The following PPARGC1A variants were observed in gnomAD, a reference collection of about 807,000 sequenced individuals.
The protein encoded by PPARGC1A is PPARG coactivator 1 alpha.
In PPARGC1A, 25 loss-of-function variants were observed where a neutral mutation model predicts 88.7. The ratio of observed to expected loss-of-function variants is 0.28; its 90% confidence interval spans 0.21 to 0.39. The LOEUF (loss-of-function observed/expected upper bound fraction) is 0.39, where lower values mean the gene tolerates loss of function less well. Ranked by LOEUF, PPARGC1A falls within the 10% of genes least tolerant of loss-of-function variation. The probability of loss-of-function intolerance (pLI) is 1.00; values close to 1 mark genes in which losing one functional copy is unlikely to be tolerated. For missense variants in PPARGC1A, 880 were observed against 968.7 expected (o/e 0.91, Z 1.22); for synonymous variants, 363 against 355.6 (o/e 1.02, Z -0.24).
upstream of PPARGC1A, among the ~76,000 whole-genome samples, chr4:23,891,178 A>G (rs1455372250): frequency 6.6e-6 from 1 of 152,138 alleles, no homozygotes; most frequent in East Asian, 1.9e-4. Flanking sequence ...TACATAACAA[A>G]CTCAAGGTAC....
the PPARGC1A span, among the ~76,000 whole-genome samples, chr4:24,387,754 GAGAGAGAGAGAGAGAAAGAAAGAAAGAA>G: frequency 1.6e-5 from 1 of 64,250 alleles, no homozygotes; most frequent in African/African-American, 6.3e-5. Context: ...GAAAGAGAGA[GAGAGAGAGAGAGAGAAAGAAAGAAAGAA>G]AGAAAGAAAG....
the PPARGC1A span, among the ~76,000 whole-genome samples, chr4:24,321,235 A>T: frequency 2.0e-5 from 3 of 152,222 alleles, 1 homozygote. Flanking sequence ...AAAGAAACAA[A>T]GGTCACCCAA....
At chr4:24,078,158 A>G in the PPARGC1A span, among the ~76,000 whole-genome samples, 1 of 152,006 alleles carries the variant, frequency 6.6e-6, no homozygotes, top group African/African-American at 2.4e-5. Flanking sequence ...AGGCCTTCCA[A>G]GAATGGTCAT....
chr4:24,075,220 T>A, the PPARGC1A span, among the ~76,000 whole-genome samples: 1 of 152,162 alleles, frequency 6.6e-6, no homozygotes, highest in Non-Finnish European at 1.5e-5. Context: ...AACAACGAAG[T>A]TGCCACATGG....
the PPARGC1A span, among the ~76,000 whole-genome samples, chr4:24,207,547 A>T: frequency 0.075 from 11,443 of 152,302 alleles, 457 homozygotes; most frequent in South Asian, 0.11. Flanking sequence ...TTTAAACAAG[A>T]CAGAAATTAA....
chr4:24,041,702 G>A, the PPARGC1A span, among the ~76,000 whole-genome samples: 1 of 152,094 alleles, frequency 6.6e-6, no homozygotes. Flanking sequence ...TCACAAACAT[G>A]AACTTTTTGA....
the PPARGC1A span, among the ~76,000 whole-genome samples, chr4:24,189,909 C>A: frequency 2.0e-5 from 3 of 152,142 alleles, no homozygotes; most frequent in Non-Finnish European, 4.4e-5. Context: ...ATCCTCCTCC[C>A]AAGCACACCT....
At chr4:23,820,555 A>G in intron 7 of PPARGC1A, 2 of 395,828 alleles carry the variant, frequency 5.1e-6, no homozygotes, top group South Asian at 3.7e-5. Flanking sequence ...CAATAGATTT[A>G]AATGCCTTCT....
chr4:23,843,844 T>C (rs561696985), intron 2 of PPARGC1A, among the ~76,000 whole-genome samples: 2 of 152,168 alleles, frequency 1.3e-5, no homozygotes, highest in African/African-American at 4.8e-5. Flanking sequence ...CTTTAATCCA[T>C]ACTCAGCTGA....
At chr4:24,384,025 C>A in the PPARGC1A span, among the ~76,000 whole-genome samples, 1 of 152,162 alleles carries the variant, frequency 6.6e-6, no homozygotes, top group Non-Finnish European at 1.5e-5. Flanking sequence ...AACAGTGGAT[C>A]CCTCTGTTAG....
chr4:23,810,669 T>C (rs1233039256), intron 10 of PPARGC1A, among the ~76,000 whole-genome samples: 1 of 152,230 alleles, frequency 6.6e-6, no homozygotes. Flanking sequence ...AACTGTGTTG[T>C]GTCATGGCCA....
the PPARGC1A span, among the ~76,000 whole-genome samples, chr4:24,417,679 C>CAGCCATTAA: frequency 6.6e-6 from 1 of 152,216 alleles, no homozygotes; most frequent in Admixed American, 6.5e-5. Flanking sequence ...GGTCACTTTG[C>CAGCCATTAA]AGCCATTAAA....
At chr4:23,903,454 T>G (rs1719661937), upstream of PPARGC1A, among the ~76,000 whole-genome samples, 1 of 152,196 alleles carries the variant, frequency 6.6e-6, no homozygotes. Flanking sequence ...TCTGCAATTG[T>G]TGGTAACAAT....
chr4:24,367,516 G>A, the PPARGC1A span, among the ~76,000 whole-genome samples: 1 of 152,134 alleles, frequency 6.6e-6, no homozygotes, highest in Non-Finnish European at 1.5e-5. Context: ...ACTAAGCTAA[G>A]CCAACCTGTT....
the PPARGC1A span, among the ~76,000 whole-genome samples, chr4:23,935,571 A>G: frequency 6.6e-6 from 1 of 152,336 alleles, no homozygotes; most frequent in African/African-American, 2.4e-5. Context: ...AGTGCTCCCC[A>G]GAGGTATGCA....
At chr4:24,234,464 T>C in the PPARGC1A span, among the ~76,000 whole-genome samples, 1 of 152,116 alleles carries the variant, frequency 6.6e-6, no homozygotes, top group Admixed American at 6.6e-5. Flanking sequence ...AAGCCAATGA[T>C]ACACTGGCAT....
the PPARGC1A span, among the ~76,000 whole-genome samples, chr4:24,129,521 C>G: frequency 6.6e-6 from 1 of 152,106 alleles, no homozygotes; most frequent in Non-Finnish European, 1.5e-5. Flanking sequence ...GGAAAGAATA[C>G]TAGTTTAATA....
At chr4:23,902,310 A>G (rs1388392829), upstream of PPARGC1A, among the ~76,000 whole-genome samples, 1 of 152,200 alleles carries the variant, frequency 6.6e-6, no homozygotes, top group Non-Finnish European at 1.5e-5. Context: ...TAAAATTTAT[A>G]AAATCAGGAA....
chr4:24,443,416 G>T, the PPARGC1A span, among the ~76,000 whole-genome samples: 3 of 152,136 alleles, frequency 2.0e-5, no homozygotes, highest in Non-Finnish European at 4.4e-5. Context: ...TGGCACTGGG[G>T]AAGGGAGAAT....
Sources: allele counts gnomAD v4.1 joint callset (sites outside exome capture counted in the v4.1 genomes callset), GRCh38; gene constraint gnomAD v4.1.1; transcripts MANE v1.5; gene names NCBI Gene and HGNC (gene_info 2026-07-23, HGNC 2026-07-21).